Variants in CEP128 observed in about 807,000 individuals in gnomAD.
CEP128 encodes centrosomal protein 128.
Under a neutral mutation model 156.7 loss-of-function variants are expected in CEP128, and 132 were observed. The observed-to-expected ratio is 0.84, with a 90% confidence interval of 0.73 to 0.97. The LOEUF (loss-of-function observed/expected upper bound fraction) is 0.97. CEP128 is among the 50% of genes least tolerant of loss of function. The pLI is 0.00. For synonymous variants in CEP128, 469 were observed against 448.9 expected (o/e 1.04, Z -0.57); for missense variants, 1,252 against 1,281.9 (o/e 0.98, Z 0.36).
At chr14:80,761,179 C>T (rs866125339) in intron 17 of CEP128, among the ~76,000 whole-genome samples, 6 of 151,398 alleles carry the variant, frequency 4.0e-5, no homozygotes, top group Non-Finnish European at 8.8e-5. Context: ...ACTCCAAGGG[C>T]TACCTCTCTT....
intron 4 of CEP128, among the ~76,000 whole-genome samples, chr14:80,909,787 TCC>T (rs1884103250): frequency 6.6e-6 from 1 of 152,042 alleles, no homozygotes; most frequent in Non-Finnish European, 1.5e-5. Flanking sequence ...ATTTGATAAC[TCC>T]TAAAACACAA....
intron 2 of CEP128, among the ~76,000 whole-genome samples, chr14:80,935,398 A>G (rs1439389526): frequency 6.6e-6 from 1 of 151,734 alleles, no homozygotes; most frequent in Admixed American, 6.6e-5. Context: ...TAAAACTACA[A>G]TAATTAGCTG....
chr14:80,855,446 C>T (rs906254453), intron 9 of CEP128, among the ~76,000 whole-genome samples: 1 of 151,924 alleles, frequency 6.6e-6, no homozygotes, highest in Admixed American at 6.6e-5. Flanking sequence ...ATGATCAATA[C>T]GAGAGTGATT....
intron 20 of CEP128, among the ~76,000 whole-genome samples, chr14:80,567,489 C>T (rs891351945): frequency 5.9e-5 from 9 of 152,120 alleles, no homozygotes; most frequent in Admixed American, 1.3e-4. Flanking sequence ...ATGAAACTGA[C>T]ACCAAAAATT....
intron 2 of CEP128, among the ~76,000 whole-genome samples, chr14:80,929,935 G>A (rs1464759788): frequency 1.3e-5 from 2 of 152,218 alleles, no homozygotes; most frequent in Non-Finnish European, 2.9e-5. Context: ...AGCAGCAGGT[G>A]AACAGCGGGT....
chr14:80,655,540 G>C (rs1045355796), intron 19 of CEP128, among the ~76,000 whole-genome samples: 5 of 151,958 alleles, frequency 3.3e-5, no homozygotes, highest in African/African-American at 1.2e-4. Context: ...TCCTCTTTAG[G>C]GGATCCAGTG....
At chr14:80,846,888 C>T (rs897768182) in intron 9 of CEP128, among the ~76,000 whole-genome samples, 1 of 152,146 alleles carries the variant, frequency 6.6e-6, no homozygotes, top group Non-Finnish European at 1.5e-5. Context: ...AAACTTTCAA[C>T]TTTTGTTTTA....
In CEP128 at chr14:80,657,417, C is replaced by A. The variant is rs187164124; in HGVS notation, c.2807-76994G>T. ...TTGTAATCCCAGCCCTTTGGGAGGC[C>A]AAGGTGGGCAGATCACCTAAGGTCA... is the stretch of plus-strand genomic sequence containing the variant. On this transcript the variant is annotated intron_variant, in intron 19 of 24. Coordinates refer to ENST00000555265, the MANE Select transcript of CEP128 (RefSeq NM_152446.5). 8.9e-4 allele frequency among the ~76,000 whole-genome samples: 135 copies of A among 152,052 alleles called. 1 individual carries two copies. Among genetic ancestry groups the A allele is most frequent in the African/African-American group, 3.1e-3 (128 of 41,490 alleles).
Position 80,504,596 on chromosome 14 carries a change from A to C in CEP128, c.3181+316T>G, listed in dbSNP as rs183006705. Among the ~76,000 whole-genome samples the C allele has an allele frequency of 8.1e-4, 124 of 152,362 alleles. 1 individual carries two copies. Among genetic ancestry groups the C allele is most frequent in the Non-Finnish European group, 2.2e-4 (15 of 68,032 alleles). On this transcript the variant is annotated intron_variant, in intron 24 of 24. Transcript: ENST00000555265. ...ATTTTTTGATAATTTGAACTTTATT[A>C]TAAAATAACTTTCTTTACTCATTCA... is the stretch of plus-strand genomic sequence containing the variant.
chr14:80,857,770 A>AC (rs1468219649), intron 9 of CEP128, among the ~76,000 whole-genome samples: 2 of 151,876 alleles, frequency 1.3e-5, no homozygotes, highest in African/African-American at 2.4e-5. Flanking sequence ...AACAACAACA[A>AC]AAAACATGAA....
chr14:80,550,487 A>G (rs1004909501), intron 21 of CEP128, among the ~76,000 whole-genome samples: 8 of 152,122 alleles, frequency 5.3e-5, no homozygotes, highest in African/African-American at 1.9e-4. Context: ...AGTAAACTTT[A>G]AATAACTCAG....
intron 20 of CEP128, among the ~76,000 whole-genome samples, chr14:80,578,929 A>T (rs1015912510): frequency 6.6e-6 from 1 of 152,126 alleles, no homozygotes; most frequent in Non-Finnish European, 1.5e-5. Flanking sequence ...CTCCAACTAT[A>T]AATGTCCATA....
chr14:80,827,729 A>AT (rs527395834), intron 13 of CEP128, among the ~76,000 whole-genome samples: 207 of 152,238 alleles, frequency 1.4e-3, no homozygotes, highest in African/African-American at 4.8e-3. Flanking sequence ...TCATTAAGCA[A>AT]TTTTTTGGTT....
intron 23 of CEP128, 46 bp from the exon 24 acceptor site, chr14:80,505,066 G>T: frequency 1.1e-6 from 1 of 912,682 alleles, no homozygotes; most frequent in Non-Finnish European, 1.7e-6. Flanking sequence ...ACAAGGTATG[G>T]ACCAAGGCTC....
chr14:80,922,608 T>A (rs1884928374), intron 2 of CEP128, among the ~76,000 whole-genome samples: 1 of 152,226 alleles, frequency 6.6e-6, no homozygotes, highest in South Asian at 2.1e-4. Context: ...GGTTCACAAG[T>A]TATGTTTAAT....
chr14:80,508,262 T>A lies in CEP128; in HGVS notation c.3073-3242A>T, dbSNP rs562583861. 1.3e-4 allele frequency among the ~76,000 whole-genome samples: 20 copies of A among 152,254 alleles called. No individual in the cohort carries two copies. The East Asian group carries it at 3.7e-3, about 28-fold the overall frequency. On this transcript the variant is annotated intron_variant, in intron 23 of 24. Coordinates refer to ENST00000555265, the MANE Select transcript of CEP128 (RefSeq NM_152446.5). ...AAGCCAGTTACTTGGCATATGATAG[T>A]CAAAATATGGCACTGACATATTTCA... is the stretch of plus-strand genomic sequence containing the variant.
At chr14:80,737,976 A>G (rs12586869) in intron 19 of CEP128, among the ~76,000 whole-genome samples, 9,473 of 152,292 alleles carry the variant, frequency 0.062, 319 homozygotes, top group Middle Eastern at 0.099. Flanking sequence ...AAATCATCCC[A>G]TAAGTTACTT....
intron 19 of CEP128, among the ~76,000 whole-genome samples, chr14:80,680,034 G>A (rs116993813): frequency 0.012 from 1,880 of 152,316 alleles, 26 homozygotes; most frequent in Middle Eastern, 0.024. Flanking sequence ...GCGTAGTTGC[G>A]CATGCATTTT....
chr14:80,833,592 T>C (rs1370795191), intron 12 of CEP128, among the ~76,000 whole-genome samples: 1 of 152,118 alleles, frequency 6.6e-6, no homozygotes, highest in Non-Finnish European at 1.5e-5. Flanking sequence ...GTCTGCTACT[T>C]CCCTCATGTG....
Sources: allele counts gnomAD v4.1 joint callset (sites outside exome capture counted in the v4.1 genomes callset), GRCh38; gene constraint gnomAD v4.1.1; transcripts MANE v1.5; gene names NCBI Gene and HGNC (gene_info 2026-07-23, HGNC 2026-07-21).